OR8K3: variants seen among roughly 807,000 people sequenced by gnomAD.
OR8K3 encodes olfactory receptor family 8 subfamily K member 3 (gene/pseudogene), also known as olfactory receptor 8K3.
For missense variants in OR8K3, 448 were observed against 367.4 expected, an observed-to-expected ratio of 1.22 and a Z score of -1.79; for synonymous variants, 167 against 138.8, an observed-to-expected ratio of 1.20 and a Z score of -1.43.
At position 56,318,281 on chromosome 11, in the gene OR8K3, CA is replaced by C. The variant is rs776354782; in HGVS notation, c.-23-2del. On this transcript the variant is annotated splice_acceptor_variant, in intron 2 of 2. Transcript: ENST00000641662. LOFTEE classifies it low-confidence loss of function (5UTR_SPLICE). ...CTATTGACAATGCCGATGTCTCTAT[CA>C]GAATAGGTTTTCTGATGAACCTGGA... 1.9e-6 allele frequency: 3 copies of C among 1,541,230 alleles called. No individual in the cohort carries two copies. The South Asian group carries it at 3.4e-5, about 18-fold the overall frequency.
chr11:56,318,738 G>T lies in OR8K3; in HGVS notation c.432G>T (p.Leu144=). The change falls in exon 3 of 3, where the codon CTG becomes CTT. Residue 144 remains leucine, a synonymous_variant. Transcript: ENST00000641662. ...VIMSRRVCQV[L]VAIPYLYCTF... ...TGTCACGAAGGGTATGTCAGGTGCT[G>T]GTAGCAATCCCTTACCTCTATTGCA... is the stretch of plus-strand genomic sequence containing the variant. 6.2e-7 allele frequency: 1 copy of T among 1,613,774 alleles called. No homozygotes were observed.
chr11:56,317,883 G>C (rs34311941), intron 2 of OR8K3, among the ~76,000 whole-genome samples: 8 of 151,612 alleles, frequency 5.3e-5, no homozygotes, highest in Admixed American at 2.0e-4. Flanking sequence ...TCTATCATCT[G>C]TCTATTCATG....
In OR8K3 at chr11:56,318,313, C is replaced by A. The variant is rs772721458; in HGVS notation, c.7C>A (p.Gln3Lys). Reference sequence around the variant, plus strand: ...GGTTTTCTGATGAACCTGGATGGAACAACACAATCTAACAACGGTGAATGA... The same window carrying A: ...GGTTTTCTGATGAACCTGGATGGAAAAACACAATCTAACAACGGTGAATGA... ME[Q>K]HNLTTVNEFI... The change falls in exon 3 of 3, where the codon CAA becomes AAA. Residue 3 changes from glutamine (Q) to lysine (K), a missense_variant. By Grantham distance (53) the Gln-to-Lys change is moderately conservative. Transcript: ENST00000641662. 1 of 1,611,034 alleles carries A rather than the reference C, an allele frequency of 6.2e-7. No individual in the cohort carries two copies. The highest frequency in any genetic ancestry group is 8.5e-7 in the Non-Finnish European group (1 of 1,177,564).
At chr11:56,316,360 C>T (rs997244579) in intron 2 of OR8K3, among the ~76,000 whole-genome samples, 30 of 151,936 alleles carry the variant, frequency 2.0e-4, no homozygotes, top group African/African-American at 7.2e-4. Flanking sequence ...TCTGAGATTG[C>T]TGTCACTATA....
At chr11:56,315,425 A>AT (rs1415033003) in intron 1 of OR8K3, among the ~76,000 whole-genome samples, 3 of 152,138 alleles carry the variant, frequency 2.0e-5, no homozygotes, top group African/African-American at 7.2e-5. Flanking sequence ...TCTTTGAAAC[A>AT]TTATCATGAT....
Position 56,319,385 on chromosome 11 carries a change from A to G in OR8K3, c.*140A>G. The G allele has an allele frequency of 1.7e-6, 1 of 596,672 alleles. No homozygotes were observed. Among genetic ancestry groups the G allele is most frequent in the South Asian group, 2.2e-5 (1 of 46,048 alleles). 37.0% of individuals were successfully genotyped at this position (596,672 alleles called of 1,614,324 possible). On this transcript the variant is annotated 3_prime_UTR_variant, in exon 3 of 3. Transcript: ENST00000641662. ...TACATGATAGGCTCTTCTAATTGCT[A>G]TACATAGATTAATAAACAAAATAGT...
At chr11:56,315,890 G>A (rs1171220405) in intron 1 of OR8K3, 110 bp from the exon 2 acceptor site, 2 of 151,886 alleles carry the variant, frequency 1.3e-5, no homozygotes, top group Non-Finnish European at 2.9e-5. Context: ...TCCACTAAGA[G>A]TTGACAAAAG....
intron 2 of OR8K3, among the ~76,000 whole-genome samples, chr11:56,318,058 A>G (rs1437065170): frequency 6.6e-6 from 1 of 152,178 alleles, no homozygotes; most frequent in East Asian, 1.9e-4. Context: ...ATGTCTCTAG[A>G]CATTAGAAAA....
At position 56,318,771 on chromosome 11, in the gene OR8K3, T is replaced by G. The variant is rs2134869116; in HGVS notation, c.465T>G (p.Ile155Met). ...VAIPYLYCTF[I>M]SLLVTIKIFT... ...TCCCTTACCTCTATTGCACATTCAT[T>G]TCTCTTCTAGTCACCATAAAGATTT... Residue 155 changes from isoleucine to methionine, a missense_variant, in exon 3 of 3, where the codon ATT (isoleucine) becomes ATG (methionine). Coordinates refer to ENST00000641662, the MANE Select transcript of OR8K3 (RefSeq NM_001005202.2). 6.2e-7 allele frequency: 1 copy of G among 1,614,024 alleles called. No homozygotes were observed. Among genetic ancestry groups the G allele is most frequent in the South Asian group, 1.1e-5 (1 of 91,078 alleles).
In OR8K3 at chr11:56,318,729, T is replaced by C. The variant is rs748307629; in HGVS notation, c.423T>C (p.Cys141=). Residue 141 remains cysteine, a synonymous_variant, in exon 3 of 3, where the codon TGT becomes TGC. Coordinates refer to ENST00000641662, the MANE Select transcript of OR8K3 (RefSeq NM_001005202.2). ...CAGTAATCATGTCACGAAGGGTATGTCAGGTGCTGGTAGCAATCCCTTACC... is the reference window on the plus strand; with the variant it reads ...CAGTAATCATGTCACGAAGGGTATGCCAGGTGCTGGTAGCAATCCCTTACC... ...LYTVIMSRRV[C]QVLVAIPYLY... The C allele has an allele frequency of 4.3e-6, 7 of 1,613,922 alleles. No individual in the cohort carries two copies. The highest frequency in any genetic ancestry group is 5.9e-6 in the Non-Finnish European group (7 of 1,179,938).
In OR8K3 at chr11:56,318,913, G is replaced by T; in HGVS notation, c.607G>T (p.Ala203Ser). Residue 203 changes from alanine (A) to serine (S), a missense_variant, in exon 3 of 3, where the codon GCA becomes TCA. Physicochemically the swap from Ala to Ser is moderately conservative, Grantham distance 99 (BLOSUM62 1). Transcript: ENST00000641662. ...AATTGAATTGATAATTCTGATCTTT[G>T]CAGCTATTGATTTGATTTCATCTCT... is the stretch of plus-strand genomic sequence containing the variant. ...HEIELIILIF[A>S]AIDLISSLLI... is the part of the protein sequence containing the mutation. 1 of 1,613,888 alleles carries T rather than the reference G, an allele frequency of 6.2e-7. No homozygotes were observed. Among genetic ancestry groups the T allele is most frequent in the Non-Finnish European group, 8.5e-7 (1 of 1,179,858 alleles).
Position 56,318,885 on chromosome 11 carries a change from T to A in OR8K3, c.579T>A (p.His193Gln). Residue 193 changes from histidine (H) to glutamine (Q), a missense_variant, in exon 3 of 3, where the codon CAT (histidine) becomes CAA (glutamine). Coordinates refer to ENST00000641662, the MANE Select transcript of OR8K3 (RefSeq NM_001005202.2). ...TACCTTTGCTTTGTTCAAATACACA[T>A]GAAATTGAATTGATAATTCTGATCT... ...PLLPLLCSNT[H>Q]EIELIILIFA... 6.2e-7 allele frequency: 1 copy of A among 1,613,932 alleles called. No homozygotes were observed. Among genetic ancestry groups the A allele is most frequent in the Non-Finnish European group, 8.5e-7 (1 of 1,179,768 alleles).
Position 56,318,633 on chromosome 11 carries a change from T to C in OR8K3, c.327T>C (p.Gly109=). ...TQLAFFLVFI[G]SELFILSAMS... is the part of the protein sequence containing the mutation. ...TAGCTTTCTTTCTTGTGTTCATTGG[T>C]AGTGAACTTTTTATTCTCTCAGCCA... is the stretch of plus-strand genomic sequence containing the variant. The change falls in exon 3 of 3, where the codon GGT becomes GGC. Residue 109 remains glycine, a synonymous_variant. Coordinates refer to ENST00000641662, the MANE Select transcript of OR8K3 (RefSeq NM_001005202.2). 2 of 1,613,282 alleles carry C rather than the reference T, an allele frequency of 1.2e-6. No individual in the cohort carries two copies. The highest frequency in any genetic ancestry group is 8.5e-7 in the Non-Finnish European group (1 of 1,179,194).
In OR8K3 at chr11:56,318,735, G is replaced by C. The variant is rs764337260; in HGVS notation, c.429G>C (p.Val143=). The change falls in exon 3 of 3, where the codon GTG becomes GTC. Residue 143 remains valine, a synonymous_variant. Transcript: ENST00000641662. ...TCATGTCACGAAGGGTATGTCAGGT[G>C]CTGGTAGCAATCCCTTACCTCTATT... ...TVIMSRRVCQ[V]LVAIPYLYCT... is the part of the protein sequence containing the mutation. 6 of 1,613,810 alleles carry C rather than the reference G, an allele frequency of 3.7e-6. No individual in the cohort carries two copies. The highest frequency in any genetic ancestry group is 5.1e-6 in the Non-Finnish European group (6 of 1,179,898).
chr11:56,317,851 C>A (rs2134867350), intron 2 of OR8K3, among the ~76,000 whole-genome samples: 1 of 152,042 alleles, frequency 6.6e-6, no homozygotes, highest in Non-Finnish European at 1.5e-5. Context: ...CATAATCTAT[C>A]TATCTACCCA....
Position 56,318,371 on chromosome 11 carries a change from A to T in OR8K3, c.65A>T (p.Glu22Val). 6.2e-7 allele frequency: 1 copy of T among 1,613,894 alleles called. No individual in the cohort carries two copies. The highest frequency in any genetic ancestry group is 8.5e-7 in the Non-Finnish European group (1 of 1,179,808). Residue 22 changes from glutamate to valine, a missense_variant, in exon 3 of 3, where the codon GAG becomes GTG. Coordinates refer to ENST00000641662, the MANE Select transcript of OR8K3 (RefSeq NM_001005202.2). ...FILTGITDIAELQAPLFALFL... is the reference protein window; with the variant it reads ...FILTGITDIAVLQAPLFALFL... The stretch of plus-strand genomic sequence containing the variant: ...CTTACGGGAATCACAGATATCGCTG[A>T]GCTGCAGGCACCATTATTTGCATTG...
chr11:56,315,606 C>T (rs1298909796), intron 1 of OR8K3, among the ~76,000 whole-genome samples: 1 of 152,016 alleles, frequency 6.6e-6, no homozygotes, highest in Non-Finnish European at 1.5e-5. Context: ...TATTTAGATG[C>T]TCTAGGCTCT....
In OR8K3 at chr11:56,318,370, G is replaced by A; in HGVS notation, c.64G>A (p.Glu22Lys). The change falls in exon 3 of 3, where the codon GAG becomes AAG. Residue 22 changes from glutamate to lysine, a missense_variant. By Grantham distance (56) the Glu-to-Lys change is moderately conservative (BLOSUM62 1). Coordinates refer to ENST00000641662, the MANE Select transcript of OR8K3 (RefSeq NM_001005202.2). ...FILTGITDIA[E>K]LQAPLFALFL... is the part of the protein sequence containing the mutation. ...TCTTACGGGAATCACAGATATCGCTGAGCTGCAGGCACCATTATTTGCATT... is the reference window on the plus strand; with the variant it reads ...TCTTACGGGAATCACAGATATCGCTAAGCTGCAGGCACCATTATTTGCATT... 1 of 1,613,796 alleles carries A rather than the reference G, an allele frequency of 6.2e-7. No individual in the cohort carries two copies. The highest frequency in any genetic ancestry group is 8.5e-7 in the Non-Finnish European group (1 of 1,179,778).
Position 56,319,076 on chromosome 11 carries a change from T to C in OR8K3, c.770T>C (p.Met257Thr), listed in dbSNP as rs1854489385. 5 of 1,614,164 alleles carry C rather than the reference T, an allele frequency of 3.1e-6. No individual in the cohort carries two copies. The highest frequency in any genetic ancestry group is 4.2e-6 in the Non-Finnish European group (5 of 1,180,010). ...GTGTTCTATGGGACTTTGCTTTTCA[T>C]GTACGTGCAGCCCAAGTCCAGTCAT... ...VIVFYGTLLF[M>T]YVQPKSSHSF... is the part of the protein sequence containing the mutation. Residue 257 changes from methionine (M) to threonine (T), a missense_variant, in exon 3 of 3, where the codon ATG becomes ACG. Coordinates refer to ENST00000641662, the MANE Select transcript of OR8K3 (RefSeq NM_001005202.2).
Sources: allele counts gnomAD v4.1 joint callset (sites outside exome capture counted in the v4.1 genomes callset), GRCh38; gene constraint gnomAD v4.1.1; transcripts MANE v1.5; gene names NCBI Gene and HGNC (gene_info 2026-07-23, HGNC 2026-07-21).